The following PDE1C variants were observed in gnomAD, a reference collection of about 807,000 sequenced individuals.
The protein encoded by PDE1C is phosphodiesterase 1C, also known as dual specificity calcium/calmodulin-dependent 3',5'-cyclic nucleotide phosphodiesterase 1C.
Under a neutral mutation model 93.1 loss-of-function variants are expected in PDE1C, and 62 were observed. The ratio of observed to expected loss-of-function variants is 0.67; its 90% CI spans 0.54 to 0.82. PDE1C has a LOEUF of 0.82. PDE1C is among the 40% of genes least tolerant of loss of function. PDE1C has a pLI of 0.00. For synonymous variants in PDE1C, 325 were observed against 310.1 expected, an observed-to-expected ratio of 1.05 and a Z score of -0.50; for missense variants, 742 against 884.6, an observed-to-expected ratio of 0.84 and a Z score of 2.04.
intron 1 of PDE1C, among the ~76,000 whole-genome samples, chr7:32,265,306 C>A (rs1379297536): frequency 6.6e-6 from 1 of 152,132 alleles, no homozygotes; most frequent in African/African-American, 2.4e-5. Flanking sequence ...GGGGTGGCCA[C>A]CTGATTTAAA....
chr7:31,787,528 T>C (rs984818293), intron 16 of PDE1C: 1 of 152,208 alleles, frequency 6.6e-6, no homozygotes. Context: ...TTTGGTGACA[T>C]GGGGACCCAA....
chr7:32,034,181 G>C (rs1223551854), intron 2 of PDE1C, among the ~76,000 whole-genome samples: 3 of 151,962 alleles, frequency 2.0e-5, no homozygotes, highest in African/African-American at 7.3e-5. Flanking sequence ...AAAGAGCAGA[G>C]AGACAACATG....
intron 2 of PDE1C, among the ~76,000 whole-genome samples, chr7:32,018,681 A>G (rs569993417): frequency 2.1e-4 from 32 of 152,292 alleles, no homozygotes; most frequent in African/African-American, 7.7e-4. Context: ...AGGGGAAAAT[A>G]GGGAATGAGT....
At position 32,353,990 on chromosome 7, in the gene PDE1C, A is replaced by G. The variant is rs376326575; in HGVS notation, c.310+73832T>C. Among the ~76,000 whole-genome samples the G allele has an allele frequency of 4.6e-5, 7 of 152,314 alleles. 1 individual carries two copies. Among genetic ancestry groups the G allele is most frequent in the East Asian group, 1.9e-4 (1 of 5,170 alleles). On this transcript the variant is annotated intron_variant, in intron 1 of 1. Transcript: ENST00000672256. ...AATCACTGAGAGAAGGCCCCAGTCC[A>G]GGGAGCAACAGACAACAACAGGAGA...
intron 3 of PDE1C, among the ~76,000 whole-genome samples, chr7:32,123,236 A>T (rs1362791125): frequency 6.6e-6 from 1 of 152,182 alleles, no homozygotes; most frequent in African/African-American, 2.4e-5. Context: ...CACCAACCAA[A>T]AAAAGCCTAG....
intron 2 of PDE1C, among the ~76,000 whole-genome samples, chr7:31,925,039 C>CTGTGTGTG (rs70989622): frequency 3.3e-4 from 45 of 135,388 alleles, no homozygotes; most frequent in African/African-American, 9.5e-4. Context: ...GTAGACATTT[C>CTGTGTGTG]TGTGTGTGTG....
At chr7:31,768,533 C>T (rs944507338) in intron 17 of PDE1C, among the ~76,000 whole-genome samples, 1 of 152,068 alleles carries the variant, frequency 6.6e-6, no homozygotes, top group South Asian at 2.1e-4. Context: ...ACTGATGATC[C>T]TTTGTGTTAA....
the PDE1C span, among the ~76,000 whole-genome samples, chr7:31,680,434 G>A: frequency 5.9e-5 from 9 of 152,108 alleles, no homozygotes; most frequent in South Asian, 2.1e-4. Flanking sequence ...ATACTGACTC[G>A]GAGAAGAGGG....
At chr7:31,801,239 AAGAG>A (rs1785987165) in intron 16 of PDE1C, among the ~76,000 whole-genome samples, 1 of 151,270 alleles carries the variant, frequency 6.6e-6, no homozygotes, top group African/African-American at 2.4e-5. Flanking sequence ...ATCAGGGAAA[AAGAG>A]AGAAAACACA....
At chr7:32,044,842 T>C (rs573656009) in intron 2 of PDE1C, among the ~76,000 whole-genome samples, 6 of 152,218 alleles carry the variant, frequency 3.9e-5, no homozygotes, top group Admixed American at 3.3e-4. Flanking sequence ...AAAAGACGAA[T>C]GAATTGTGCC....
At chr7:32,344,159 C>T (rs1303713180) in intron 1 of PDE1C, among the ~76,000 whole-genome samples, 1 of 152,160 alleles carries the variant, frequency 6.6e-6, no homozygotes, top group Non-Finnish European at 1.5e-5. Context: ...CTGCAGCCTC[C>T]ATCTCCTGGG....
At chr7:32,093,235 C>T (rs1310513352) in intron 3 of PDE1C, among the ~76,000 whole-genome samples, 4 of 152,204 alleles carry the variant, frequency 2.6e-5, no homozygotes, top group African/African-American at 9.7e-5. Flanking sequence ...CAGTCTTCTG[C>T]AGTCACAAGA....
chr7:32,035,617 C>T (rs1313582397), intron 2 of PDE1C, among the ~76,000 whole-genome samples: 2 of 152,158 alleles, frequency 1.3e-5, no homozygotes, highest in Non-Finnish European at 2.9e-5. Flanking sequence ...TGATGGGTCC[C>T]AAACTAAATT....
intron 1 of PDE1C, among the ~76,000 whole-genome samples, chr7:32,423,591 T>C (rs1326785363): frequency 2.0e-5 from 3 of 152,212 alleles, no homozygotes; most frequent in Non-Finnish European, 4.4e-5. Context: ...TGAGCGTCTG[T>C]AATTATCTCT....
At chr7:31,927,344 G>C (rs533135703) in intron 2 of PDE1C, among the ~76,000 whole-genome samples, 19 of 152,294 alleles carry the variant, frequency 1.2e-4, no homozygotes, top group East Asian at 5.8e-4. Context: ...AGAGCACTTG[G>C]GGGTAGGGGC....
rs148807121 is a variant in PDE1C, at chr7:31,863,813, T to C, written c.750+1129A>G. Among the ~76,000 whole-genome samples, 196 of 152,256 alleles carry C rather than the reference T, an allele frequency of 1.3e-3. 5 individuals are homozygous for C. Among genetic ancestry groups the C allele is most frequent in the African/African-American group, 4.5e-3 (189 of 41,540 alleles). On this transcript the variant is annotated intron_variant, in intron 7 of 17. Transcript: ENST00000396191. The stretch of plus-strand genomic sequence containing the variant: ...CACCATTTTAAAAAAATGAGGAAGT[T>C]TTCGCTCAGAGACTCAAGTAATTTA...
At chr7:31,696,492 AATTTCACTGTAGC>A in the PDE1C span, among the ~76,000 whole-genome samples, 1 of 152,154 alleles carries the variant, frequency 6.6e-6, no homozygotes, top group Non-Finnish European at 1.5e-5. Context: ...AATGGAGAAA[AATTTCACTGTAGC>A]ATAGAGGTGA....
intron 1 of PDE1C, among the ~76,000 whole-genome samples, chr7:32,350,144 G>T: frequency 6.6e-6 from 1 of 150,694 alleles, no homozygotes; most frequent in African/African-American, 2.4e-5. Flanking sequence ...TTCCTTTTGA[G>T]ACTTTTGAAC....
At chr7:32,259,262 G>A (rs754878184) in intron 1 of PDE1C, among the ~76,000 whole-genome samples, 41 of 152,076 alleles carry the variant, frequency 2.7e-4, no homozygotes, top group South Asian at 4.1e-4. Context: ...GGGGCAGCAC[G>A]GAGACCCCAA....
Sources: allele counts gnomAD v4.1 joint callset (sites outside exome capture counted in the v4.1 genomes callset), GRCh38; gene constraint gnomAD v4.1.1; transcripts MANE v1.5; gene names NCBI Gene and HGNC (gene_info 2026-07-23, HGNC 2026-07-21).